ATP2B1: variants seen among roughly 807,000 people sequenced by gnomAD.
ATP2B1 encodes ATPase plasma membrane Ca2+ transporting 1, also known as plasma membrane calcium-transporting ATPase 1.
Under a neutral mutation model 124.2 loss-of-function variants are expected in ATP2B1, and 14 were observed. That is an observed-to-expected ratio of 0.11 (90% CI 0.07 to 0.18). The LOEUF is 0.18. Among genes scored for constraint, ATP2B1 ranks in the 10% least tolerant of loss-of-function variants. The pLI, the probability that ATP2B1 is intolerant of heterozygous loss-of-function variation, is 1.00. For synonymous variants in ATP2B1, 449 were observed against 492.4 expected (o/e 0.91, Z 1.17); for missense variants, 763 against 1,466.1 (o/e 0.52, Z 7.83).
At chr12:89,674,894 C>A (rs1208738855) in intron 1 of ATP2B1, among the ~76,000 whole-genome samples, 2 of 152,150 alleles carry the variant, frequency 1.3e-5, no homozygotes, top group African/African-American at 2.4e-5. Context: ...AATAGACTAC[C>A]AAGTAAATGT....
At chr12:89,599,439 T>C (rs1168907788) in intron 19 of ATP2B1, 140 bp from the exon 20 acceptor site, 7 of 899,656 alleles carry the variant, frequency 7.8e-6, no homozygotes, top group Non-Finnish European at 9.8e-6. Context: ...TGTTGATTAG[T>C]CTTTCTCTCC....
chr12:89,709,308 A>ACCG (rs1892941572), upstream of ATP2B1: 1 of 151,250 alleles, frequency 6.6e-6, no homozygotes, highest in Non-Finnish European at 1.5e-5. Flanking sequence ...CACAGCCGCC[A>ACCG]CCGCCGCCGA....
chr12:89,604,354 A>G lies in ATP2B1; in HGVS notation c.2443-8T>C. ...ATCAGTTCCAGCAATACCCTGTTAA[A>G]AAAAATTTTGTGAATTAGACTAAAT... On this transcript the variant is annotated splice_polypyrimidine_tract_variant and splice_region_variant and intron_variant, in intron 15 of 20. Transcript: ENST00000428670. 2.5e-6 allele frequency: 4 copies of G among 1,576,940 alleles called. No individual in the cohort carries two copies. Among genetic ancestry groups the G allele is most frequent in the Non-Finnish European group, 3.4e-6 (4 of 1,166,200 alleles).
chr12:89,672,046 A>G (rs545254964), intron 1 of ATP2B1, among the ~76,000 whole-genome samples: 1 of 152,274 alleles, frequency 6.6e-6, no homozygotes, highest in South Asian at 2.1e-4. Flanking sequence ...TGAAATCTCT[A>G]GAGTAGAAAG....
intron 1 of ATP2B1, among the ~76,000 whole-genome samples, chr12:89,696,326 A>G (rs1411660573): frequency 1.3e-5 from 2 of 152,228 alleles, no homozygotes; most frequent in East Asian, 1.9e-4. Context: ...TCCTTTAAAT[A>G]CAGTAAATAC....
At chr12:89,692,352 C>T (rs1890647054) in intron 1 of ATP2B1, among the ~76,000 whole-genome samples, 1 of 152,130 alleles carries the variant, frequency 6.6e-6, no homozygotes, top group African/African-American at 2.4e-5. Context: ...TTCATTACGA[C>T]ATTGATGAGA....
intron 10 of ATP2B1, among the ~76,000 whole-genome samples, chr12:89,620,918 C>A (rs1217426175): frequency 2.6e-5 from 4 of 152,124 alleles, no homozygotes; most frequent in African/African-American, 4.8e-5. Context: ...CCCTAATGAA[C>A]AGCTTGCAAT....
At chr12:89,658,094 T>A (rs1222558753) in intron 1 of ATP2B1, among the ~76,000 whole-genome samples, 1 of 152,204 alleles carries the variant, frequency 6.6e-6, no homozygotes, top group Non-Finnish European at 1.5e-5. Context: ...TAGGTTTCTA[T>A]ATCCAGAATT....
intron 1 of ATP2B1, among the ~76,000 whole-genome samples, chr12:89,679,521 C>T (rs1174754848): frequency 6.6e-6 from 1 of 152,130 alleles, no homozygotes; most frequent in Non-Finnish European, 1.5e-5. Flanking sequence ...TCTCTCTTTT[C>T]CCCCAAAAAG....
chr12:89,593,173 A>C (rs1026029212), intron 20 of ATP2B1: 3 of 152,088 alleles, frequency 2.0e-5, no homozygotes, highest in African/African-American at 7.2e-5. Flanking sequence ...ATAGTAATTC[A>C]TTCAGTGTTT....
intron 12 of ATP2B1, chr12:89,612,193 A>G (rs993633089): frequency 2.6e-5 from 4 of 152,120 alleles, no homozygotes. Context: ...TTATTTTTTA[A>G]GCAGAAATAC....
At chr12:89,666,000 T>G (rs960673676) in intron 1 of ATP2B1, among the ~76,000 whole-genome samples, 3 of 152,344 alleles carry the variant, frequency 2.0e-5, no homozygotes. Flanking sequence ...ACCAACTGAA[T>G]AGAGAACTAA....
chr12:89,609,629 G>A (rs372606263), intron 15 of ATP2B1, among the ~76,000 whole-genome samples: 1 of 152,126 alleles, frequency 6.6e-6, no homozygotes, highest in African/African-American at 2.4e-5. Context: ...CCTGTGTCCT[G>A]CATTAAAGGG....
At chr12:89,650,516 T>C (rs1885106970) in intron 2 of ATP2B1, among the ~76,000 whole-genome samples, 1 of 152,172 alleles carries the variant, frequency 6.6e-6, no homozygotes, top group Non-Finnish European at 1.5e-5. Flanking sequence ...GGGTTTTGTG[T>C]GTTTTGGGCT....
intron 1 of ATP2B1, among the ~76,000 whole-genome samples, chr12:89,669,082 T>G (rs1401803411): frequency 6.6e-6 from 1 of 152,214 alleles, no homozygotes; most frequent in Admixed American, 6.5e-5. Flanking sequence ...ACACTCAGTA[T>G]GTACTGCATT....
chr12:89,659,552 G>A (rs1300924034), intron 1 of ATP2B1, among the ~76,000 whole-genome samples: 4 of 152,198 alleles, frequency 2.6e-5, no homozygotes, highest in Admixed American at 6.5e-5. Context: ...AGCTCATAAA[G>A]AGGTTGGTTA....
intron 2 of ATP2B1, 146 bp downstream of exon 2, chr12:89,655,533 T>C: frequency 1.4e-6 from 1 of 721,908 alleles, no homozygotes; most frequent in Non-Finnish European, 2.3e-6. Context: ...TTAACTGTAT[T>C]AATCTGATAA....
intron 1 of ATP2B1, among the ~76,000 whole-genome samples, chr12:89,670,371 A>T (rs376230629): frequency 1.4e-4 from 21 of 147,486 alleles, no homozygotes; most frequent in African/African-American, 5.2e-4. Flanking sequence ...ATAAAACCGA[A>T]TTTTTTTTTT....
In ATP2B1 at chr12:89,619,870, T is replaced by C; in HGVS notation, c.1829+129A>G. On this transcript the variant is annotated intron_variant, in intron 11 of 20. Transcript: ENST00000428670. ...GCAAATATCTGGATACCATAAAATA[T>C]GCTAAAAAACTCTGAGGTCCTATCA... 3 of 1,192,538 alleles carry C rather than the reference T, an allele frequency of 2.5e-6. No homozygotes were observed. In the South Asian group the frequency reaches 4.7e-5, roughly 19 times the overall value. The allele number at this position is 1,192,538 out of a possible 1,614,324, so 73.9% of individuals were successfully genotyped here.
Sources: gnomAD v4.1 joint callset for allele counts (sites outside exome capture counted in the v4.1 genomes callset) on GRCh38, gnomAD v4.1.1 for gene constraint, MANE v1.5 for transcripts, NCBI Gene and HGNC (gene_info 2026-07-23, HGNC 2026-07-21) for gene names.